ALK: variants seen among roughly 807,000 people sequenced by gnomAD.
ALK encodes ALK receptor tyrosine kinase, also known as ALK tyrosine kinase receptor.
Under a neutral mutation model 163.1 loss-of-function variants are expected in ALK, and 74 were observed. The ratio of observed to expected loss-of-function variants is 0.45; its 90% CI spans 0.38 to 0.55. ALK has a LOEUF of 0.55. Among genes scored for constraint, ALK ranks in the 20% least tolerant of loss-of-function variants. ALK has a pLI of 0.00. For missense variants in ALK, 2,063 were observed against 2,105.3 expected (o/e 0.98, Z 0.39); for synonymous variants, 960 against 843.2 (o/e 1.14, Z -2.40).
intron 1 of ALK, among the ~76,000 whole-genome samples, chr2:29,724,369 A>G (rs2541194): frequency 0.66 from 100,481 of 152,120 alleles, 36,732 homozygotes; most frequent in Non-Finnish European, 0.82. Context: ...GCAAAGCTTA[A>G]TGTGGCCAAA....
At chr2:29,848,120 G>C (rs974111463) in intron 1 of ALK, among the ~76,000 whole-genome samples, 1 of 152,120 alleles carries the variant, frequency 6.6e-6, no homozygotes, top group African/African-American at 2.4e-5. Context: ...GGGGGATCAG[G>C]GGCAGCGGGT....
At chr2:29,740,995 CT>C (rs754939981) in intron 1 of ALK, among the ~76,000 whole-genome samples, 19 of 152,058 alleles carry the variant, frequency 1.2e-4, no homozygotes, top group Admixed American at 6.6e-5. Flanking sequence ...GAACAAGTCT[CT>C]GCCTCAGAAA....
chr2:29,366,260 G>C (rs1388819114), intron 5 of ALK, among the ~76,000 whole-genome samples: 1 of 152,210 alleles, frequency 6.6e-6, no homozygotes, highest in Non-Finnish European at 1.5e-5. Context: ...TAGACAAGGA[G>C]AGCATGAGAG....
intron 3 of ALK, among the ~76,000 whole-genome samples, chr2:29,660,530 A>G (rs1677316843): frequency 6.6e-6 from 1 of 151,786 alleles, no homozygotes; most frequent in Admixed American, 6.6e-5. Flanking sequence ...CCTCTTTTTT[A>G]AAGGAGGGGA....
At chr2:29,510,695 A>G (rs368005962) in intron 4 of ALK, among the ~76,000 whole-genome samples, 1 of 152,240 alleles carries the variant, frequency 6.6e-6, no homozygotes, top group East Asian at 1.9e-4. Flanking sequence ...TTGGATGTTT[A>G]TAGACTGAGG....
At chr2:29,489,515 G>C (rs563287476) in intron 4 of ALK, among the ~76,000 whole-genome samples, 2 of 152,236 alleles carry the variant, frequency 1.3e-5, no homozygotes, top group East Asian at 3.9e-4. Context: ...GCCCAGGCTG[G>C]TCTCAAACTC....
At chr2:29,322,628 G>A (rs1667096209) in intron 6 of ALK, among the ~76,000 whole-genome samples, 1 of 152,230 alleles carries the variant, frequency 6.6e-6, no homozygotes, top group African/African-American at 2.4e-5. Context: ...GAGGTCAGGA[G>A]TTTGAGAACA....
intron 15 of ALK, among the ~76,000 whole-genome samples, chr2:29,229,959 G>C (rs1333703508): frequency 6.6e-6 from 1 of 152,176 alleles, no homozygotes; most frequent in African/African-American, 2.4e-5. Context: ...GCTATCTACA[G>C]AGCCGAGGTT....
chr2:29,644,918 A>G (rs1676827843), intron 3 of ALK, among the ~76,000 whole-genome samples: 1 of 152,144 alleles, frequency 6.6e-6, no homozygotes, highest in African/African-American at 2.4e-5. Context: ...ATAAATATTC[A>G]GTGTGTTTAG....
At chr2:29,495,245 C>A (rs1671996702) in intron 4 of ALK, among the ~76,000 whole-genome samples, 1 of 152,178 alleles carries the variant, frequency 6.6e-6, no homozygotes, top group Non-Finnish European at 1.5e-5. Context: ...GGATGAAGTG[C>A]ATCCTGCCTC....
At chr2:29,574,071 A>T (rs1231292227) in intron 3 of ALK, among the ~76,000 whole-genome samples, 1 of 151,550 alleles carries the variant, frequency 6.6e-6, no homozygotes, top group African/African-American at 2.4e-5. Flanking sequence ...AAAATAAAAA[A>T]AAAAATGTCC....
At chr2:29,525,768 G>C (rs973655294) in intron 4 of ALK, among the ~76,000 whole-genome samples, 1 of 140,292 alleles carries the variant, frequency 7.1e-6, no homozygotes. Flanking sequence ...TCCAGCCTGG[G>C]TGACAAGAGC....
intron 1 of ALK, among the ~76,000 whole-genome samples, chr2:29,869,069 G>A (rs1213782926): frequency 2.0e-5 from 3 of 152,096 alleles, no homozygotes; most frequent in Non-Finnish European, 4.4e-5. Flanking sequence ...CAGCCATTAA[G>A]TCACCCCCAG....
intron 8 of ALK, among the ~76,000 whole-genome samples, chr2:29,304,075 C>T (rs965765212): frequency 1.3e-5 from 2 of 152,182 alleles, no homozygotes; most frequent in Non-Finnish European, 2.9e-5. Flanking sequence ...TGTCCCTTGG[C>T]CTACTTCTCA....
chr2:29,500,683 T>C (rs1475700542), intron 4 of ALK, among the ~76,000 whole-genome samples: 1 of 152,108 alleles, frequency 6.6e-6, no homozygotes, highest in Non-Finnish European at 1.5e-5. Context: ...GCGCCATCCA[T>C]GGTCTTGCCT....
At chr2:29,661,050 A>G (rs1433640578) in intron 3 of ALK, among the ~76,000 whole-genome samples, 1 of 152,160 alleles carries the variant, frequency 6.6e-6, no homozygotes. Flanking sequence ...TCCTTGTAAC[A>G]TAGTTACGGA....
intron 2 of ALK, among the ~76,000 whole-genome samples, chr2:29,700,337 G>C (rs1678695973): frequency 6.6e-6 from 1 of 152,198 alleles, no homozygotes; most frequent in South Asian, 2.1e-4. Context: ...CTGAGGTCGG[G>C]AGTTGGAGAT....
intron 1 of ALK, among the ~76,000 whole-genome samples, chr2:29,875,418 T>TA (rs1666678775): frequency 6.6e-6 from 1 of 152,228 alleles, no homozygotes. Context: ...TTACCATTAC[T>TA]ATTTTTTTAC....
At chr2:29,290,799 G>A (rs1666001684) in intron 9 of ALK, among the ~76,000 whole-genome samples, 1 of 152,164 alleles carries the variant, frequency 6.6e-6, no homozygotes, top group Non-Finnish European at 1.5e-5. Flanking sequence ...ACATGGTGTG[G>A]GGATAGTCAA....
Sources: allele counts gnomAD v4.1 joint callset (sites outside exome capture counted in the v4.1 genomes callset), GRCh38; gene constraint gnomAD v4.1.1; transcripts MANE v1.5; gene names NCBI Gene and HGNC (gene_info 2026-07-23, HGNC 2026-07-21).